LCLAT1: variants seen among roughly 807,000 people sequenced by gnomAD.
The protein encoded by LCLAT1 is 1-AGP acyltransferase 8.
LCLAT1 carries 11 observed loss-of-function variants against 30.7 expected under a neutral mutation model. The observed-to-expected ratio is 0.36, with a 90% CI of 0.23 to 0.59. The LOEUF (loss-of-function observed/expected upper bound fraction) is 0.59, where lower values mean the gene tolerates loss of function less well. LCLAT1 is among the 20% of genes least tolerant of loss of function. The pLI is 0.77. For missense variants in LCLAT1, 402 were observed against 458.6 expected (o/e 0.88, Z 1.13); for synonymous variants, 155 against 151.3 (o/e 1.02, Z -0.18).
intron 1 of LCLAT1, among the ~76,000 whole-genome samples, chr2:30,471,257 T>C (rs1682770204): frequency 6.6e-6 from 1 of 152,044 alleles, no homozygotes; most frequent in South Asian, 2.1e-4. Flanking sequence ...TTGCCCAGGC[T>C]GGAGTGCAGT....
intron 5 of LCLAT1, among the ~76,000 whole-genome samples, chr2:30,632,092 T>G (rs1416219974): frequency 6.6e-6 from 1 of 152,206 alleles, no homozygotes; most frequent in Admixed American, 6.5e-5. Flanking sequence ...GCAACAGATT[T>G]AGGATAGAAA....
chr2:30,541,346 T>G (rs1194001915), intron 3 of LCLAT1, among the ~76,000 whole-genome samples: 1 of 152,070 alleles, frequency 6.6e-6, no homozygotes, highest in Non-Finnish European at 1.5e-5. Flanking sequence ...GAGCTATGAT[T>G]GCACCACTGC....
In LCLAT1 at chr2:30,567,899, T is replaced by C. The variant is rs577982998; in HGVS notation, c.512-161T>C. On this transcript the variant is annotated intron_variant, in intron 4 of 5. Transcript: ENST00000379509. ...ATAAGTAGGTCTGGGATCTTGATAA[T>C]GGACCATCTGCAATGTTTGTATCTT... is the stretch of plus-strand genomic sequence containing the variant. 3.3e-5 allele frequency among the ~76,000 whole-genome samples: 5 copies of C among 152,302 alleles called. No individual in the cohort carries two copies. In the South Asian group the frequency reaches 1.0e-3, roughly 32 times the overall value.
At chr2:30,604,040 A>G (rs1435764224) in intron 5 of LCLAT1, among the ~76,000 whole-genome samples, 1 of 151,266 alleles carries the variant, frequency 6.6e-6, no homozygotes, top group Non-Finnish European at 1.5e-5. Flanking sequence ...TAAATATTGA[A>G]CTTACCAAGA....
At chr2:30,534,219 CTGTGTGTGTG>C (rs57380693) in intron 3 of LCLAT1, among the ~76,000 whole-genome samples, 38,279 of 130,356 alleles carry the variant, frequency 0.29, 5,620 homozygotes, top group Non-Finnish European at 0.35. Context: ...AGTTGATTTA[CTGTGTGTGTG>C]TGTGTGTGTG....
intron 3 of LCLAT1, chr2:30,552,363 G>T (rs1374838122): frequency 6.5e-6 from 2 of 305,546 alleles, no homozygotes; most frequent in African/African-American, 2.2e-5. Context: ...TAGTACAAGT[G>T]GTTTCTCCAT....
chr2:30,586,895 G>A (rs777929583), intron 5 of LCLAT1, among the ~76,000 whole-genome samples: 2 of 151,940 alleles, frequency 1.3e-5, no homozygotes, highest in African/African-American at 2.4e-5. Flanking sequence ...CCCTCACCAT[G>A]CACCCCTACT....
intron 2 of LCLAT1, among the ~76,000 whole-genome samples, chr2:30,526,345 G>T (rs1166454564): frequency 6.6e-6 from 1 of 151,820 alleles, no homozygotes; most frequent in African/African-American, 2.4e-5. Flanking sequence ...CATATTGAAT[G>T]ATTTCTGTTT....
At chr2:30,515,707 A>T (rs1685148938) in intron 1 of LCLAT1, among the ~76,000 whole-genome samples, 1 of 152,202 alleles carries the variant, frequency 6.6e-6, no homozygotes, top group African/African-American at 2.4e-5. Flanking sequence ...TTAGTTTTCA[A>T]ATGTCTTTTT....
At chr2:30,461,675 C>T (rs1366915349) in intron 1 of LCLAT1, among the ~76,000 whole-genome samples, 1 of 151,960 alleles carries the variant, frequency 6.6e-6, no homozygotes, top group South Asian at 2.1e-4. Flanking sequence ...AAGCCCTTTA[C>T]TTAACCCTTT....
chr2:30,456,272 G>T (rs1179930886), intron 1 of LCLAT1, among the ~76,000 whole-genome samples: 11 of 152,210 alleles, frequency 7.2e-5, no homozygotes, highest in Admixed American at 7.2e-4. Context: ...GGGCGGAGGT[G>T]AAAGTTCTGA....
At chr2:30,517,464 C>G (rs1189073627) in intron 1 of LCLAT1, among the ~76,000 whole-genome samples, 1 of 152,224 alleles carries the variant, frequency 6.6e-6, no homozygotes, top group Admixed American at 6.5e-5. Flanking sequence ...CCCCCAATTT[C>G]TACCCAGCTT....
intron 1 of LCLAT1, among the ~76,000 whole-genome samples, chr2:30,470,015 G>A (rs1452864532): frequency 1.3e-5 from 2 of 152,160 alleles, no homozygotes; most frequent in Non-Finnish European, 2.9e-5. Context: ...ACAGGCATGA[G>A]TCACCACGCC....
intron 1 of LCLAT1, among the ~76,000 whole-genome samples, chr2:30,491,966 C>T (rs10180482): frequency 0.5 from 75,306 of 152,016 alleles, 19,693 homozygotes; most frequent in Non-Finnish European, 0.58. Flanking sequence ...GTGTTTTAAA[C>T]GTTTTTATTC....
At chr2:30,531,641 T>C (rs2148394336) in intron 2 of LCLAT1, among the ~76,000 whole-genome samples, 1 of 152,306 alleles carries the variant, frequency 6.6e-6, no homozygotes, top group Middle Eastern at 3.4e-3. Flanking sequence ...CTGTAGCTAC[T>C]TAGCCCAAAT....
intron 3 of LCLAT1, among the ~76,000 whole-genome samples, chr2:30,545,701 A>G (rs1664373038): frequency 6.6e-6 from 1 of 152,262 alleles, no homozygotes; most frequent in African/African-American, 2.4e-5. Context: ...GTAGATTTTT[A>G]CTTTTAGCCA....
intron 5 of LCLAT1, among the ~76,000 whole-genome samples, chr2:30,572,969 C>T (rs1255275254): frequency 6.7e-6 from 1 of 148,774 alleles, no homozygotes; most frequent in Non-Finnish European, 1.5e-5. Flanking sequence ...GTGGTTCGAT[C>T]GTTTTCTTTC....
rs531239906 is a variant in LCLAT1, at chr2:30,599,225, G to A, written c.628+31049G>A. 8.8e-4 allele frequency among the ~76,000 whole-genome samples: 134 copies of A among 152,066 alleles called. 1 individual carries two copies. The highest frequency in any genetic ancestry group is 5.8e-3 in the South Asian group (28 of 4,820). On this transcript the variant is annotated intron_variant, in intron 5 of 5. Coordinates refer to ENST00000379509, the MANE Select transcript of LCLAT1 (RefSeq NM_001002257.3). ...TCAAACTCCTGACCTCAAGTGATCC[G>A]CCCACCTCAGCCTCCTAAAGTGCTG...
rs1558493568 is a variant in LCLAT1 at position 30,521,486 on chromosome 2, CTTCTTCTTTTTTTTT to C, written c.-4-4098_-4-4084del. On this transcript the variant is annotated intron_variant, in intron 1 of 5. Coordinates refer to ENST00000379509, the MANE Select transcript of LCLAT1 (RefSeq NM_001002257.3). ...ACAGTTTCCTCAACCCCCTAAACTA[CTTCTTCTTTTTTTTT>C]TTTTTTTTTTTTTTTTTTTTTTTTT... 1.2e-4 allele frequency among the ~76,000 whole-genome samples: 3 copies of C among 25,850 alleles called. 1 individual carries two copies. The highest frequency in any genetic ancestry group is 9.1e-4 in the Admixed American group (2 of 2,200). 17.0% of individuals were successfully genotyped at this position (25,850 alleles called of 152,430 possible). A position where few individuals can be genotyped will look rare whatever the true frequency, so the allele number is the denominator to read the frequency against.
Sources: allele counts gnomAD v4.1 joint callset (sites outside exome capture counted in the v4.1 genomes callset), GRCh38; gene constraint gnomAD v4.1.1; transcripts MANE v1.5; gene names NCBI Gene and HGNC (gene_info 2026-07-23, HGNC 2026-07-21).